Variants in SH3RF3 observed in about 807,000 individuals in gnomAD.
SH3RF3 encodes the protein SH3 domain containing ring finger 3.
A neutral mutation model predicts 66.3 loss-of-function variants in SH3RF3; 29 were observed. The observed-to-expected ratio is 0.44, with a 90% CI of 0.33 to 0.60. SH3RF3 has a LOEUF of 0.60. Among genes scored for constraint, SH3RF3 ranks in the 20% least tolerant of loss-of-function variants. The pLI, the probability that SH3RF3 is intolerant of heterozygous loss-of-function variation, is 0.04. For missense variants in SH3RF3, 1,194 were observed against 1,190.9 expected (o/e 1.00, Z -0.04); for synonymous variants, 583 against 532.0 (o/e 1.10, Z -1.32).
At chr2:109,222,909 C>CA (rs779786990) in intron 1 of SH3RF3, among the ~76,000 whole-genome samples, 59 of 152,386 alleles carry the variant, frequency 3.9e-4, no homozygotes, top group Admixed American at 6.5e-4. Context: ...CATGGGGACT[C>CA]AGCCAGCTGT....
intron 1 of SH3RF3, among the ~76,000 whole-genome samples, chr2:109,226,951 G>T (rs1056153440): frequency 6.6e-5 from 10 of 152,146 alleles, no homozygotes; most frequent in African/African-American, 2.4e-4. Flanking sequence ...ACCATGGCCG[G>T]GTTCATGGCT....
intron 1 of SH3RF3, among the ~76,000 whole-genome samples, chr2:109,269,270 T>TA (rs1680573871): frequency 6.6e-6 from 1 of 152,050 alleles, no homozygotes; most frequent in East Asian, 1.9e-4. Context: ...TGAAATGACA[T>TA]AAAGGGACTG....
intron 2 of SH3RF3, among the ~76,000 whole-genome samples, chr2:109,350,306 C>T (rs996633976): frequency 1.3e-5 from 2 of 152,178 alleles, no homozygotes; most frequent in Non-Finnish European, 2.9e-5. Context: ...CCACGGGAGG[C>T]CCAGCATCTC....
chr2:109,218,707 A>G (rs778358056), intron 1 of SH3RF3, among the ~76,000 whole-genome samples: 7 of 152,142 alleles, frequency 4.6e-5, no homozygotes, highest in Admixed American at 1.3e-4. Context: ...CCCTTTCATC[A>G]TGGCTGGACT....
chr2:109,438,939 T>C (rs1488865942), intron 7 of SH3RF3, among the ~76,000 whole-genome samples: 3 of 152,192 alleles, frequency 2.0e-5, no homozygotes, highest in Non-Finnish European at 4.4e-5. Context: ...TGTTTCCACA[T>C]GCACCAGCAC....
chr2:109,221,926 G>A (rs1408641219), intron 1 of SH3RF3, among the ~76,000 whole-genome samples: 1 of 151,724 alleles, frequency 6.6e-6, no homozygotes, highest in East Asian at 1.9e-4. Flanking sequence ...TGCAGCACTA[G>A]TCACAATAGC....
chr2:109,319,910 T>C (rs1239380815), intron 1 of SH3RF3, among the ~76,000 whole-genome samples: 1 of 152,216 alleles, frequency 6.6e-6, no homozygotes, highest in Non-Finnish European at 1.5e-5. Context: ...GGTGGTTACA[T>C]CTGGGGTCCC....
At chr2:109,280,603 C>T (rs575731529) in intron 1 of SH3RF3, among the ~76,000 whole-genome samples, 5 of 151,054 alleles carry the variant, frequency 3.3e-5, no homozygotes, top group Non-Finnish European at 7.4e-5. Context: ...AAGTAGTCTC[C>T]AAGCTAAAAA....
intron 8 of SH3RF3, among the ~76,000 whole-genome samples, chr2:109,458,994 A>G (rs891711694): frequency 5.9e-5 from 9 of 152,316 alleles, no homozygotes; most frequent in Non-Finnish European, 1.2e-4. Flanking sequence ...CTTAGTTTCC[A>G]CATAAAGACA....
chr2:109,244,582 A>C (rs1178949777), intron 1 of SH3RF3, among the ~76,000 whole-genome samples: 1 of 152,230 alleles, frequency 6.6e-6, no homozygotes, highest in Non-Finnish European at 1.5e-5. Flanking sequence ...AATAGTTGCT[A>C]TAGGAATAAG....
At chr2:109,163,277 C>T (rs970119461) in intron 1 of SH3RF3, among the ~76,000 whole-genome samples, 1 of 151,502 alleles carries the variant, frequency 6.6e-6, no homozygotes, top group African/African-American at 2.4e-5. Context: ...TTTGTTTCTT[C>T]TCTAATGAAA....
intron 1 of SH3RF3, among the ~76,000 whole-genome samples, chr2:109,268,199 A>G (rs1375708524): frequency 6.6e-6 from 1 of 152,044 alleles, no homozygotes; most frequent in Non-Finnish European, 1.5e-5. Flanking sequence ...GCAGGCTAGA[A>G]TAGGTTTATC....
chr2:109,197,606 T>A (rs1678537059), intron 1 of SH3RF3, among the ~76,000 whole-genome samples: 1 of 152,204 alleles, frequency 6.6e-6, no homozygotes, highest in Non-Finnish European at 1.5e-5. Context: ...TGGGGTTTAA[T>A]GCTCTGCAGT....
chr2:109,360,463 G>T (rs1574596862), intron 2 of SH3RF3, among the ~76,000 whole-genome samples: 2 of 152,118 alleles, frequency 1.3e-5, no homozygotes, highest in Non-Finnish European at 2.9e-5. Context: ...TTACCTTCAG[G>T]TTGTGTGTAT....
At chr2:109,165,708 G>T (rs1175877365) in intron 1 of SH3RF3, among the ~76,000 whole-genome samples, 2 of 152,154 alleles carry the variant, frequency 1.3e-5, no homozygotes, top group Admixed American at 1.3e-4. Context: ...TGGTATGGAC[G>T]AGTGGGGAGG....
intron 4 of SH3RF3, among the ~76,000 whole-genome samples, chr2:109,399,448 GT>G (rs11306985): frequency 0.48 from 70,765 of 147,664 alleles, 16,832 homozygotes; most frequent in South Asian, 0.53. Flanking sequence ...ATTTCCACTA[GT>G]TTTTTTTTTT....
intron 1 of SH3RF3, among the ~76,000 whole-genome samples, chr2:109,179,731 C>G (rs181202242): frequency 1.6e-4 from 25 of 152,194 alleles, no homozygotes; most frequent in African/African-American, 5.1e-4. Context: ...TTATCTAATC[C>G]TAATTACCTC....
chr2:109,348,654 A>G (rs1220856504), intron 2 of SH3RF3, among the ~76,000 whole-genome samples: 1 of 152,142 alleles, frequency 6.6e-6, no homozygotes, highest in Admixed American at 6.5e-5. Context: ...CAGGGGAAGT[A>G]GTTGGAACCT....
intron 3 of SH3RF3, among the ~76,000 whole-genome samples, chr2:109,378,354 A>G (rs1037643467): frequency 2.0e-5 from 3 of 152,176 alleles, no homozygotes; most frequent in Admixed American, 1.3e-4. Context: ...TGGGAGAGGG[A>G]TGGAAGGATG....
Sources: allele counts gnomAD v4.1 joint callset (sites outside exome capture counted in the v4.1 genomes callset), GRCh38; gene constraint gnomAD v4.1.1; transcripts MANE v1.5; gene names NCBI Gene and HGNC (gene_info 2026-07-23, HGNC 2026-07-21).